FCGR2B: variants seen among roughly 807,000 people sequenced by gnomAD.
The protein encoded by FCGR2B is Fc gamma receptor IIb, also known as low affinity immunoglobulin gamma Fc region receptor II-b.
FCGR2B carries 18 observed loss-of-function variants against 24.8 expected under a neutral mutation model. The ratio of observed to expected loss-of-function variants is 0.73; its 90% CI spans 0.50 to 1.08. The LOEUF is 1.08. Ranked by LOEUF, FCGR2B falls within the 50% of genes least tolerant of loss-of-function variation. FCGR2B has a pLI of 0.00. For synonymous variants in FCGR2B, 79 were observed against 109.8 expected, an observed-to-expected ratio of 0.72 and a Z score of 1.75; for missense variants, 215 against 297.6, an observed-to-expected ratio of 0.72 and a Z score of 2.04.
rs1369688403 is a variant in FCGR2B, at chr1:161,678,353, A to T, written c.*800A>T. 2 of 216,790 alleles carry T rather than the reference A, an allele frequency of 9.2e-6. No homozygotes were observed. Among genetic ancestry groups the T allele is most frequent in the Non-Finnish European group, 1.9e-5 (2 of 107,730 alleles). The allele number at this position is 216,790 out of a possible 1,614,324, so 13.4% of individuals were successfully genotyped here. A position where few individuals can be genotyped will look rare whatever the true frequency, so the allele number is the denominator to read the frequency against. ...TTCTATTCCTATGTTTAGATATATGAGTACTTACCATTGTGTTACAATTGC... is the reference window on the plus strand; with the variant it reads ...TTCTATTCCTATGTTTAGATATATGTGTACTTACCATTGTGTTACAATTGC... On this transcript the variant is annotated 3_prime_UTR_variant, in exon 8 of 8. Coordinates refer to ENST00000358671, the MANE Select transcript of FCGR2B (RefSeq NM_001394477.1).
intron 5 of FCGR2B, 40 bp from the exon 6 acceptor site, chr1:161,675,217 C>T (rs758059520): frequency 1.3e-5 from 20 of 1,506,122 alleles, no homozygotes; most frequent in Non-Finnish European, 1.7e-5. Flanking sequence ...ACTCAGGCCC[C>T]ACCGCCTAAT....
At chr1:161,675,996 A>G (rs928837015) in intron 6 of FCGR2B, 2 of 232,172 alleles carry the variant, frequency 8.6e-6, no homozygotes, top group African/African-American at 4.4e-5. Flanking sequence ...CTCCTCACTG[A>G]GGAAATGAGT....
the FCGR2B span, among the ~76,000 whole-genome samples, chr1:161,647,614 C>T: frequency 6.6e-6 from 1 of 150,666 alleles, no homozygotes; most frequent in African/African-American, 2.5e-5. Context: ...CTGCTCTGGA[C>T]TCTTAATTTC....
At chr1:161,648,653 G>T in the FCGR2B span, among the ~76,000 whole-genome samples, 1 of 150,794 alleles carries the variant, frequency 6.6e-6, no homozygotes, top group Non-Finnish European at 1.5e-5. Flanking sequence ...CTCCTACTCT[G>T]TGGCTTTCCT....
chr1:161,677,091 C>T, intron 6 of FCGR2B: 1 of 550,662 alleles, frequency 1.8e-6, no homozygotes, highest in Middle Eastern at 4.6e-4. Context: ...AAGAATGCAG[C>T]TCAAGTGACT....
At chr1:161,662,031 G>GTGAA (rs1196477759), upstream of FCGR2B, among the ~76,000 whole-genome samples, 7 of 143,248 alleles carry the variant, frequency 4.9e-5, no homozygotes, top group East Asian at 1.5e-3. Flanking sequence ...GATGTTGAGG[G>GTGAA]TGAACAAATG....
chr1:161,669,882 A>G (rs1681537995), intron 1 of FCGR2B, among the ~76,000 whole-genome samples: 1 of 64,340 alleles, frequency 1.6e-5, no homozygotes. Flanking sequence ...CAACAAAAGA[A>G]CAAATCTTGC....
chr1:161,654,536 G>GGTAT, the FCGR2B span, among the ~76,000 whole-genome samples: 1 of 134,404 alleles, frequency 7.4e-6, no homozygotes, highest in African/African-American at 2.5e-5. Context: ...CCATTACCTA[G>GGTAT]GTATGTATTC....
chr1:161,647,423 C>T, the FCGR2B span, among the ~76,000 whole-genome samples: 1 of 149,920 alleles, frequency 6.7e-6, no homozygotes, highest in Non-Finnish European at 1.5e-5. Flanking sequence ...GCCTCAGCCT[C>T]CTGAGTAGCT....
intron 3 of FCGR2B, chr1:161,671,890 C>G: frequency 1.4e-6 from 1 of 720,010 alleles, no homozygotes; most frequent in Non-Finnish European, 2.2e-6. Context: ...CTGCATAAAA[C>G]CCATTTCCAT....
chr1:161,671,605 G>C lies in FCGR2B; in HGVS notation c.347G>C (p.Gly116Ala), dbSNP rs1216409851. 6.2e-7 allele frequency: 1 copy of C among 1,614,000 alleles called. No individual in the cohort carries two copies. Among genetic ancestry groups the C allele is most frequent in the African/African-American group, 1.3e-5 (1 of 75,028 alleles). The change falls in exon 3 of 8, where the codon GGC becomes GCC. Residue 116 changes from glycine (G) to alanine (A), a missense_variant. Gly to Ala is a moderately conservative substitution (Grantham distance 60). This residue lies in a region of FCGR2B where 39 missense variants were observed against 73.3 expected (regional missense o/e 0.53). Coordinates refer to ENST00000358671, the MANE Select transcript of FCGR2B (RefSeq NM_001394477.1). ...NDSGEYTCQT[G>A]QTSLSDPVHL... is the part of the protein sequence containing the mutation. ...AGCGGGGAGTACACGTGCCAGACTG[G>C]CCAGACCAGCCTCAGCGACCCTGTG...
the FCGR2B span, among the ~76,000 whole-genome samples, chr1:161,653,434 TA>T: frequency 2.4e-5 from 3 of 126,972 alleles, no homozygotes; most frequent in Admixed American, 8.9e-5. Flanking sequence ...TAAATAAAAA[TA>T]AAAAATAAAC....
chr1:161,654,692 A>G, the FCGR2B span, among the ~76,000 whole-genome samples: 4,994 of 133,304 alleles, frequency 0.037, 153 homozygotes, highest in African/African-American at 0.12. Context: ...GAATTCTTCT[A>G]ACCCATTTGA....
Position 161,673,141 on chromosome 1 carries a change from A to ACC in FCGR2B, c.558_559insCC (p.Asn187ProfsTer15). 1 of 1,612,626 alleles carries ACC rather than the reference A, an allele frequency of 6.2e-7. No homozygotes were observed. Among genetic ancestry groups the ACC allele is most frequent in the East Asian group, 2.2e-5 (1 of 44,870 alleles). ...ATCCCAACTTCTCCATCCCACAAGC[A>ACC]AACCACAGTCACAGTGGTGATTACC... is the stretch of plus-strand genomic sequence containing the variant. On this transcript the variant is annotated frameshift_variant, in exon 4 of 8. Transcript: ENST00000358671. LOFTEE classifies it high-confidence loss of function.
chr1:161,650,437 A>C, the FCGR2B span, among the ~76,000 whole-genome samples: 2 of 144,976 alleles, frequency 1.4e-5, no homozygotes, highest in Non-Finnish European at 3.0e-5. Flanking sequence ...GCATATAGGG[A>C]GTGAAGCAAG....
rs2793080 is a variant in FCGR2B at position 161,675,080 on chromosome 1, C to T, written c.761-177C>T. On this transcript the variant is annotated intron_variant, in intron 5 of 7. Transcript: ENST00000358671. ...GGTGAGCTGAATTCTGCCTCTGGAC[C>T]AGCCCTTTTCCAGGCGGGAGCAGCC... The T allele has an allele frequency of 5.8e-5, 32 of 553,476 alleles. No individual in the cohort carries two copies. The Admixed American group carries it at 8.2e-4, about 14-fold the overall frequency. The allele number at this position is 553,476 out of a possible 1,614,324, so 34.3% of individuals were successfully genotyped here. A position where few individuals can be genotyped will look rare whatever the true frequency, so the allele number is the denominator to read the frequency against.
chr1:161,673,461 C>T (rs751723286), intron 4 of FCGR2B: 10 of 738,088 alleles, frequency 1.4e-5, no homozygotes, highest in East Asian at 5.1e-5. Flanking sequence ...CTTTGAAATG[C>T]AGGCCCCAGA....
the FCGR2B span, among the ~76,000 whole-genome samples, chr1:161,647,386 C>T: frequency 2.0e-5 from 3 of 149,106 alleles, no homozygotes; most frequent in Non-Finnish European, 4.4e-5. Flanking sequence ...CTGCAACCCC[C>T]GCCTGCCGGG....
At chr1:161,652,779 T>C in the FCGR2B span, among the ~76,000 whole-genome samples, 1 of 134,692 alleles carries the variant, frequency 7.4e-6, no homozygotes, top group Non-Finnish European at 1.7e-5. Context: ...TCTGGTAAGC[T>C]CTTAGTGTGG....
Sources: gnomAD v4.1 joint callset for allele counts (sites outside exome capture counted in the v4.1 genomes callset) on GRCh38, gnomAD v4.1.1 for gene constraint, gnomAD v4.1.1 regional missense constraint, MANE v1.5 for transcripts, NCBI Gene and HGNC (gene_info 2026-07-23, HGNC 2026-07-21) for gene names.